SLC20A2: variants seen among roughly 807,000 people sequenced by gnomAD.
SLC20A2 encodes sodium-dependent phosphate transporter 2.
A neutral mutation model predicts 61.0 loss-of-function variants in SLC20A2; 30 were observed. The observed-to-expected ratio is 0.49, with a 90% CI of 0.37 to 0.67. The LOEUF (loss-of-function observed/expected upper bound fraction) is 0.67. SLC20A2 is among the 30% of genes least tolerant of loss of function. SLC20A2 has a pLI of 0.00. For missense variants in SLC20A2, 626 were observed against 866.4 expected, an observed-to-expected ratio of 0.72 and a Z score of 3.48; for synonymous variants, 351 against 353.3, an observed-to-expected ratio of 0.99 and a Z score of 0.07.
Position 42,436,991 on chromosome 8 carries a change from C to A in SLC20A2, c.1521G>T (p.Val507=). 1 of 1,595,584 alleles carries A rather than the reference C, an allele frequency of 6.3e-7. No individual in the cohort carries two copies. The highest frequency in any genetic ancestry group is 8.5e-7 in the Non-Finnish European group (1 of 1,169,970). ...FGSFAHGGND[V]SNAIGPLVAL... is the part of the protein sequence containing the mutation. Reference sequence around the variant, plus strand: ...AATGAATGAATGAAAGCACCCACCTCACGTCATTGCCGCCGTGAGCAAAGG... The same window carrying A: ...AATGAATGAATGAAAGCACCCACCTAACGTCATTGCCGCCGTGAGCAAAGG... Residue 507 remains valine, a splice_region_variant and synonymous_variant, in exon 8 of 11, where the codon GTG becomes GTT. Transcript: ENST00000520262.
At chr8:42,456,662 G>A (rs1806219732) in intron 5 of SLC20A2, among the ~76,000 whole-genome samples, 1 of 150,788 alleles carries the variant, frequency 6.6e-6, no homozygotes. Flanking sequence ...AACCTGGGAG[G>A]CAGAGGTTGC....
At chr8:42,527,698 G>A (rs929293240) in intron 1 of SLC20A2, among the ~76,000 whole-genome samples, 1 of 152,060 alleles carries the variant, frequency 6.6e-6, no homozygotes, top group Non-Finnish European at 1.5e-5. Context: ...AACCCAGGAG[G>A]TGGAGGCTGC....
At position 42,437,679 on chromosome 8, in the gene SLC20A2, C is replaced by A. The variant is rs563334782; in HGVS notation, c.935-102G>T. On this transcript the variant is annotated intron_variant, in intron 7 of 10. Coordinates refer to ENST00000520262, the MANE Select transcript of SLC20A2 (RefSeq NM_001257180.2). The surrounding 1 kb of genome is among the most constrained non-coding windows in gnomAD (Gnocchi z 6.4). ...CTGTCCTCAGGGTGGAGTACAATGG[C>A]GCAATCTCGGCTCACTGCAACCTTC... 2 of 995,170 alleles carry A rather than the reference C, an allele frequency of 2.0e-6. No homozygotes were observed. Among genetic ancestry groups the A allele is most frequent in the East Asian group, 2.8e-5 (1 of 35,806 alleles). 61.6% of individuals were successfully genotyped at this position (995,170 alleles called of 1,614,324 possible).
intron 1 of SLC20A2, among the ~76,000 whole-genome samples, chr8:42,516,340 A>G (rs949595066): frequency 6.6e-6 from 1 of 152,160 alleles, no homozygotes; most frequent in East Asian, 1.9e-4. Context: ...TTATCCTAGA[A>G]TTTTTTCCTG....
intron 1 of SLC20A2, among the ~76,000 whole-genome samples, chr8:42,481,149 C>T (rs1019523053): frequency 1.3e-5 from 2 of 152,168 alleles, no homozygotes; most frequent in Admixed American, 1.3e-4. Flanking sequence ...CTAATGCTTA[C>T]AAGAAGCAAC....
At chr8:42,448,642 C>G (rs1156609256) in intron 5 of SLC20A2, among the ~76,000 whole-genome samples, 2 of 152,176 alleles carry the variant, frequency 1.3e-5, no homozygotes, top group Non-Finnish European at 2.9e-5. Flanking sequence ...CTGAAATCAC[C>G]TCCCAGTCAT....
upstream of SLC20A2, among the ~76,000 whole-genome samples, chr8:42,506,013 C>A (rs2131361731): frequency 6.6e-6 from 1 of 152,206 alleles, no homozygotes; most frequent in East Asian, 1.9e-4. Context: ...GCAATCTCGG[C>A]TCACTGCAAC....
rs1447858434 is a variant in SLC20A2 at position 42,472,148 on chromosome 8, G to A, written c.243C>T (p.Asn81=). 9.9e-6 allele frequency: 16 copies of A among 1,613,754 alleles called. No homozygotes were observed. Among genetic ancestry groups the A allele is most frequent in the Admixed American group, 8.3e-5 (5 of 59,994 alleles). The part of the protein sequence containing the change: ...RKGIIDVNLY[N]ETVETLMAGE... ...CAGCCATGAGAGTCTCCACCGTCTC[G>A]TTGTACAGGTTCACGTCAATGATAC... Residue 81 remains asparagine, a synonymous_variant, in exon 2 of 11, where the codon AAC becomes AAT. Coordinates refer to ENST00000520262, the MANE Select transcript of SLC20A2 (RefSeq NM_001257180.2). The surrounding 1 kb of genome is among the most constrained non-coding windows in gnomAD (Gnocchi z 4.1).
chr8:42,525,044 T>G (rs934172972), intron 1 of SLC20A2, among the ~76,000 whole-genome samples: 6 of 152,184 alleles, frequency 3.9e-5, no homozygotes, highest in Non-Finnish European at 8.8e-5. Flanking sequence ...GAGTTTTAGT[T>G]CATCTTTTGT....
chr8:42,437,555 A>G lies in SLC20A2; in HGVS notation c.957T>C (p.His319=). The G allele has an allele frequency of 6.2e-7, 1 of 1,612,638 alleles. No homozygotes were observed. Residue 319 remains histidine, a synonymous_variant, in exon 8 of 11, where the codon CAT becomes CAC. Coordinates refer to ENST00000520262, the MANE Select transcript of SLC20A2 (RefSeq NM_001257180.2). The surrounding 1 kb of genome is among the most constrained non-coding windows in gnomAD (Gnocchi z 6.4). ...TGGAGATGGGCGATTTCACAGAGCC[A>G]TGGGTCATGGACAGTGCTCTTCCTG... ...AAYGRALSMT[H]GSVKSPISNG...
chr8:42,439,479 G>A lies in SLC20A2; in HGVS notation c.905C>T (p.Ser302Phe), dbSNP rs371279197. Residue 302 changes from serine (S) to phenylalanine (F), a missense_variant, in exon 7 of 11, where the codon TCT becomes TTT. Physicochemically the swap from Ser to Phe is radical, Grantham distance 155. This residue lies in a region of SLC20A2 where 361 missense variants were observed against 422.3 expected (regional missense o/e 0.85). Coordinates refer to ENST00000520262, the MANE Select transcript of SLC20A2 (RefSeq NM_001257180.2). ...GETLGTSEGTSAGSHPRAAYG... is the reference protein window; with the variant it reads ...GETLGTSEGTFAGSHPRAAYG... ...TGCAGCCCGAGGGTGGCTGCCCGCAGAAGTGCCTTCCGAGGTCCCCAGTGT... is the reference window on the plus strand; with the variant it reads ...TGCAGCCCGAGGGTGGCTGCCCGCAAAAGTGCCTTCCGAGGTCCCCAGTGT... The A allele has an allele frequency of 7.4e-6, 12 of 1,613,836 alleles. No homozygotes were observed. The highest frequency in any genetic ancestry group is 1.0e-5 in the Non-Finnish European group (12 of 1,180,050).
At chr8:42,540,998 T>TG (rs1222557975) in intron 1 of SLC20A2, 3 of 152,190 alleles carry the variant, frequency 2.0e-5, no homozygotes, top group Non-Finnish European at 4.4e-5. Flanking sequence ...ACGGGGAGAA[T>TG]GGAAAGCCAG....
intron 1 of SLC20A2, among the ~76,000 whole-genome samples, chr8:42,499,222 A>ACC (rs1348418417): frequency 6.6e-6 from 1 of 151,846 alleles, no homozygotes; most frequent in Non-Finnish European, 1.5e-5. Context: ...CCGCACCTGG[A>ACC]CCCCCAGTGT....
intron 5 of SLC20A2, among the ~76,000 whole-genome samples, chr8:42,454,292 G>A (rs953037561): frequency 2.0e-5 from 3 of 152,150 alleles, no homozygotes; most frequent in South Asian, 4.2e-4. Context: ...GTGAGCCACC[G>A]CGCCCGGCCG....
intron 1 of SLC20A2, among the ~76,000 whole-genome samples, chr8:42,514,805 G>A (rs1811235979): frequency 6.6e-6 from 1 of 151,462 alleles, no homozygotes; most frequent in South Asian, 2.1e-4. Flanking sequence ...AAACATGCAC[G>A]TATGTCAAAA....
intron 1 of SLC20A2, among the ~76,000 whole-genome samples, chr8:42,527,151 AC>A (rs1812019879): frequency 6.6e-6 from 1 of 151,738 alleles, no homozygotes; most frequent in South Asian, 2.1e-4. Context: ...CGCGCCTGTA[AC>A]CCCAGCACTT....
intron 10 of SLC20A2, among the ~76,000 whole-genome samples, chr8:42,423,848 A>G (rs1803207686): frequency 6.6e-6 from 1 of 152,242 alleles, no homozygotes; most frequent in Non-Finnish European, 1.5e-5. Context: ...CTTTTAATAA[A>G]TCGAGTGTGT....
chr8:42,501,517 G>T (rs4737048), upstream of SLC20A2: 49,445 of 152,150 alleles, frequency 0.32, 8,850 homozygotes, highest in East Asian at 0.41. Flanking sequence ...CTCTTCACAA[G>T]CAAAAGCAAA....
chr8:42,437,088 T>C lies in SLC20A2; in HGVS notation c.1424A>G (p.Lys475Arg). ...AACCTCGGGTGCGTCCTTCTCCTCC[T>C]TCTCCTCCTCTGCAGGGTCCTCTCG... Reference protein sequence around the residue: ...QPREDPAEEEKEEKDAPEVHL... With the variant: ...QPREDPAEEEREEKDAPEVHL... Residue 475 changes from lysine (K) to arginine (R), a missense_variant, in exon 8 of 11, where the codon AAG becomes AGG. By Grantham distance (26) the Lys-to-Arg change is conservative. Transcript: ENST00000520262. This position sits in a 1 kb window ranked among gnomAD's most constrained non-coding sequence, Gnocchi z 6.4. 1.9e-6 allele frequency: 3 copies of C among 1,614,112 alleles called. No homozygotes were observed. The highest frequency in any genetic ancestry group is 2.5e-6 in the Non-Finnish European group (3 of 1,180,050).
Sources: gnomAD v4.1 joint callset for allele counts (sites outside exome capture counted in the v4.1 genomes callset) on GRCh38, gnomAD v4.1.1 for gene constraint, gnomAD v4.1.1 regional missense constraint, Gnocchi (gnomAD v3.1) non-coding constraint, MANE v1.5 for transcripts, NCBI Gene and HGNC (gene_info 2026-07-23, HGNC 2026-07-21) for gene names.